Variants in RGS6 observed in about 807,000 individuals in gnomAD.
RGS6 encodes the protein regulator of G protein signaling 6, also known as regulator of G-protein signaling 6.
RGS6 carries 30 observed loss-of-function variants against 78.5 expected under a neutral mutation model. That is an observed-to-expected ratio of 0.38 (90% CI 0.29 to 0.52). The LOEUF (loss-of-function observed/expected upper bound fraction) is 0.52, where lower values mean the gene tolerates loss of function less well. RGS6 is among the 20% of genes least tolerant of loss of function. The pLI is 0.85. For missense variants in RGS6, 495 were observed against 609.7 expected (o/e 0.81, Z 1.98); for synonymous variants, 206 against 206.0 (o/e 1.00, Z 0.00).
Position 72,241,387 on chromosome 14 carries a change from G to A in RGS6, c.85-110708G>A, listed in dbSNP as rs180944389. On this transcript the variant is annotated intron_variant, in intron 2 of 17. Coordinates refer to ENST00000553525, the MANE Select transcript of RGS6 (RefSeq NM_001204424.2). ...TTCTGATCCAGCTCTCCAGACAATA[G>A]TTAATAAATGGGTTCATAGGTAATT... is the stretch of plus-strand genomic sequence containing the variant. Among the ~76,000 whole-genome samples the A allele has an allele frequency of 2.2e-4, 34 of 152,184 alleles. 1 individual carries two copies. The East Asian group carries it at 6.4e-3, about 29-fold the overall frequency.
At position 72,459,669 on chromosome 14, in the gene RGS6, A is replaced by G. The variant is rs756772339; in HGVS notation, c.380A>G (p.Glu127Gly). ...TGGCCTTCGAACTGCTGGGAACCTG[A>G]AAACACTGACTATGGTGAGAACTGA... ...YFWPSNCWEP[E>G]NTDYAIYLCK... Residue 127 changes from glutamate to glycine, a missense_variant, in exon 6 of 18, where the codon GAA becomes GGA. Transcript: ENST00000553525. The G allele has an allele frequency of 6.2e-7, 1 of 1,614,140 alleles. No homozygotes were observed. The highest frequency in any genetic ancestry group is 8.5e-7 in the Non-Finnish European group (1 of 1,180,016).
chr14:72,504,180 GA>G (rs1384792642), intron 13 of RGS6, among the ~76,000 whole-genome samples: 1 of 152,182 alleles, frequency 6.6e-6, no homozygotes, highest in African/African-American at 2.4e-5. Context: ...ATTCTGTTAA[GA>G]TGACTCATCC....
chr14:71,990,473 T>C, intron 2 of RGS6: 1 of 381,670 alleles, frequency 2.6e-6, no homozygotes, highest in Non-Finnish European at 5.2e-6. Flanking sequence ...CATGGGAATA[T>C]GTTATTAACC....
chr14:71,913,313 G>A, the RGS6 span, among the ~76,000 whole-genome samples: 1 of 152,174 alleles, frequency 6.6e-6, no homozygotes, highest in Non-Finnish European at 1.5e-5. Context: ...GGCCCTGCAA[G>A]GCATATGTAC....
chr14:72,547,161 G>A, intron 17 of RGS6: 3 of 1,534,368 alleles, frequency 2.0e-6, no homozygotes, highest in Non-Finnish European at 2.6e-6. Context: ...GCCTAGGACA[G>A]AGCCTGCCTC....
At chr14:72,378,286 G>A (rs2085250406) in intron 3 of RGS6, among the ~76,000 whole-genome samples, 1 of 152,044 alleles carries the variant, frequency 6.6e-6, no homozygotes, top group African/African-American at 2.4e-5. Context: ...AACTTGAGAT[G>A]CATCTCCAGA....
At position 72,495,264 on chromosome 14, in the gene RGS6, T is replaced by TA. The variant is rs779984801; in HGVS notation, c.965+8dup. 8 of 1,589,458 alleles carry TA rather than the reference T, an allele frequency of 5.0e-6. No homozygotes were observed. The highest frequency in any genetic ancestry group is 2.2e-5 in the East Asian group (1 of 44,786). The stretch of plus-strand genomic sequence containing the variant: ...TGCTTTGTGGGACATAGAGATGAGG[T>TA]AAAAAATGTTTTAAGGTTTGGGAGT... On this transcript the variant is annotated splice_region_variant and intron_variant, in intron 13 of 17. Coordinates refer to ENST00000553525, the MANE Select transcript of RGS6 (RefSeq NM_001204424.2).
At chr14:72,041,524 C>T (rs560650963) in intron 2 of RGS6, among the ~76,000 whole-genome samples, 21 of 152,192 alleles carry the variant, frequency 1.4e-4, no homozygotes, top group Non-Finnish European at 4.4e-5. Flanking sequence ...GTCTCTTAGG[C>T]AGCCCCCTGA....
the RGS6 span, among the ~76,000 whole-genome samples, chr14:71,880,678 C>G: frequency 6.6e-6 from 1 of 152,210 alleles, no homozygotes; most frequent in Non-Finnish European, 1.5e-5. Flanking sequence ...GAACCTCTGT[C>G]TTGATTTCAG....
At chr14:72,366,796 T>G (rs1377086969) in intron 3 of RGS6, among the ~76,000 whole-genome samples, 1 of 152,138 alleles carries the variant, frequency 6.6e-6, no homozygotes, top group African/African-American at 2.4e-5. Flanking sequence ...CCACCTGCCC[T>G]GCAGGTGATA....
intron 3 of RGS6, among the ~76,000 whole-genome samples, chr14:72,442,691 C>T (rs2095248044): frequency 6.6e-6 from 1 of 152,252 alleles, no homozygotes; most frequent in Non-Finnish European, 1.5e-5. Context: ...CTCATGTCCA[C>T]TCTCTCAGAC....
chr14:72,459,709 C>G (rs1420098770), intron 6 of RGS6, 26 bp downstream of exon 6: 3 of 1,612,082 alleles, frequency 1.9e-6, no homozygotes, highest in Non-Finnish European at 2.5e-6. Context: ...ACTGGGAACT[C>G]TCAACTTCAA....
rs1191389829 is a variant in RGS6 at position 72,148,047 on chromosome 14, C to T, written c.84+183172C>T. Among the ~76,000 whole-genome samples, 10 of 148,354 alleles carry T rather than the reference C, an allele frequency of 6.7e-5. No individual in the cohort carries two copies. The East Asian group carries it at 1.8e-3, about 26-fold the overall frequency. On this transcript the variant is annotated intron_variant, in intron 2 of 17. Transcript: ENST00000553525. ...TCAGGAGACTAAGGCAGGAGAATGG[C>T]ATGAACCTGGGAGGCAGAGCTTGCA... is the stretch of plus-strand genomic sequence containing the variant.
chr14:71,910,509 T>C, the RGS6 span, among the ~76,000 whole-genome samples: 10 of 152,268 alleles, frequency 6.6e-5, no homozygotes, highest in African/African-American at 1.4e-4. Context: ...TCACCTTTCA[T>C]TGAAGTTTCT....
At position 72,470,129 on chromosome 14, in the gene RGS6, G is replaced by A. The variant is rs763445424; in HGVS notation, c.536+46G>A. ...CCTTTTCAGAGAGGAAAAGACTCTGGAATTTGGAAATGGTGTGAAGGTGGG... is the reference window on the plus strand; with the variant it reads ...CCTTTTCAGAGAGGAAAAGACTCTGAAATTTGGAAATGGTGTGAAGGTGGG... On this transcript the variant is annotated intron_variant, in intron 8 of 17. Transcript: ENST00000553525. The A allele has an allele frequency of 1.6e-5, 23 of 1,432,278 alleles. No homozygotes were observed. The Admixed American group carries it at 3.9e-4, about 24-fold the overall frequency. 88.7% of individuals were successfully genotyped at this position (1,432,278 alleles called of 1,614,324 possible). A position where few individuals can be genotyped will look rare whatever the true frequency, so the allele number is the denominator to read the frequency against.
chr14:71,887,566 T>C, the RGS6 span, among the ~76,000 whole-genome samples: 78,415 of 150,748 alleles, frequency 0.52, 23,329 homozygotes, highest in Non-Finnish European at 0.67. Context: ...GAATGTCTGT[T>C]TTATGCAGTT....
At chr14:72,510,975 C>A (rs527685826) in intron 14 of RGS6, among the ~76,000 whole-genome samples, 1 of 152,116 alleles carries the variant, frequency 6.6e-6, no homozygotes, top group Admixed American at 6.5e-5. Context: ...AACCTCAGGT[C>A]CAATATGAGA....
intron 3 of RGS6, among the ~76,000 whole-genome samples, chr14:72,424,819 C>T (rs912938374): frequency 1.3e-5 from 2 of 152,178 alleles, no homozygotes; most frequent in Non-Finnish European, 2.9e-5. Flanking sequence ...GCTATAATCC[C>T]TGCCCAGAAC....
chr14:72,546,273 C>T (rs2097401281), intron 17 of RGS6, among the ~76,000 whole-genome samples: 1 of 152,226 alleles, frequency 6.6e-6, no homozygotes, highest in South Asian at 2.1e-4. Context: ...AGCATATTTA[C>T]TGTTATAGTT....
Sources: gnomAD v4.1 joint callset for allele counts (sites outside exome capture counted in the v4.1 genomes callset) on GRCh38, gnomAD v4.1.1 for gene constraint, MANE v1.5 for transcripts, NCBI Gene and HGNC (gene_info 2026-07-23, HGNC 2026-07-21) for gene names.